The following EXOC6B variants were observed in gnomAD, a reference collection of about 807,000 sequenced individuals.
EXOC6B encodes the protein SEC15 homolog B.
EXOC6B carries 54 observed loss-of-function variants against 113.5 expected under a neutral mutation model. That is an observed-to-expected ratio of 0.48 (90% CI 0.38 to 0.60). The LOEUF (loss-of-function observed/expected upper bound fraction) is 0.60. Ranked by LOEUF, EXOC6B falls within the 20% of genes least tolerant of loss-of-function variation. The probability of loss-of-function intolerance (pLI) is 0.00; values close to 1 mark genes in which losing one functional copy is unlikely to be tolerated. For synonymous variants in EXOC6B, 357 were observed against 339.0 expected, an observed-to-expected ratio of 1.05 and a Z score of -0.58; for missense variants, 797 against 977.5, an observed-to-expected ratio of 0.82 and a Z score of 2.46.
chr2:72,638,718 G>A (rs920287582), intron 6 of EXOC6B, among the ~76,000 whole-genome samples: 3 of 152,204 alleles, frequency 2.0e-5, no homozygotes, highest in African/African-American at 7.2e-5. Flanking sequence ...TTAGAGAAGT[G>A]GTAGGGGCAG....
intron 16 of EXOC6B, among the ~76,000 whole-genome samples, chr2:72,484,285 G>A (rs576548753): frequency 2.6e-5 from 4 of 151,758 alleles, no homozygotes; most frequent in East Asian, 3.9e-4. Context: ...TCAGCTGGGC[G>A]CGGTGGCTCA....
At chr2:72,341,360 A>G (rs1689024939) in intron 19 of EXOC6B, among the ~76,000 whole-genome samples, 1 of 152,186 alleles carries the variant, frequency 6.6e-6, no homozygotes, top group South Asian at 2.1e-4. Flanking sequence ...TATCCAGAAC[A>G]TGTAATAAAT....
intron 1 of EXOC6B, among the ~76,000 whole-genome samples, chr2:72,757,879 G>A (rs1311665058): frequency 6.6e-6 from 1 of 151,918 alleles, no homozygotes; most frequent in Non-Finnish European, 1.5e-5. Flanking sequence ...CATACATATG[G>A]GCCAGGCACA....
chr2:72,740,514 A>C (rs1284470374), intron 2 of EXOC6B, among the ~76,000 whole-genome samples: 1 of 152,196 alleles, frequency 6.6e-6, no homozygotes, highest in African/African-American at 2.4e-5. Flanking sequence ...CAGGGACCAG[A>C]CAAATGTGCC....
intron 6 of EXOC6B, among the ~76,000 whole-genome samples, chr2:72,705,762 C>T (rs994173195): frequency 1.4e-5 from 2 of 143,712 alleles, no homozygotes; most frequent in Admixed American, 6.9e-5. Context: ...CTTAGGTGGC[C>T]ACAAGACCTA....
chr2:72,619,365 A>G (rs1671605813), intron 6 of EXOC6B, among the ~76,000 whole-genome samples: 1 of 152,160 alleles, frequency 6.6e-6, no homozygotes, highest in South Asian at 2.1e-4. Context: ...AAAAATAAAG[A>G]TTGTTCATGG....
At chr2:72,631,459 TATAGAGAGAGAGAGAGAGAGAGAGAGAG>T (rs1292490146) in intron 6 of EXOC6B, among the ~76,000 whole-genome samples, 54 of 6,926 alleles carry the variant, frequency 7.8e-3, no homozygotes, top group African/African-American at 0.014. Flanking sequence ...TATATATATA[TATAGAGAGAGAGAGAGAGAGAGAGAGAG>T]AGAGAGAGAG....
chr2:72,487,670 G>C (rs583673), intron 16 of EXOC6B, among the ~76,000 whole-genome samples: 1 of 152,114 alleles, frequency 6.6e-6, no homozygotes, highest in Non-Finnish European at 1.5e-5. Flanking sequence ...TACACTGACA[G>C]TTTTAAGGAG....
At chr2:72,449,668 A>G (rs904285265) in intron 18 of EXOC6B, among the ~76,000 whole-genome samples, 1 of 152,200 alleles carries the variant, frequency 6.6e-6, no homozygotes, top group Non-Finnish European at 1.5e-5. Context: ...AATTGTCTTC[A>G]CTATAAGTTT....
chr2:72,693,309 G>A (rs1467020987), intron 6 of EXOC6B, among the ~76,000 whole-genome samples: 5 of 151,240 alleles, frequency 3.3e-5, no homozygotes, highest in African/African-American at 4.9e-5. Context: ...TCTTTGAGAC[G>A]GAGTCTTTCT....
In EXOC6B at chr2:72,509,117, C is replaced by G. The variant is rs772771730; in HGVS notation, c.1167+4015G>C. Among the ~76,000 whole-genome samples the G allele has an allele frequency of 2.5e-3, 374 of 152,116 alleles. 4 individuals are homozygous for G. Among genetic ancestry groups the G allele is most frequent in the Non-Finnish European group, 2.8e-3 (193 of 68,004 alleles). On this transcript the variant is annotated intron_variant, in intron 11 of 21. Transcript: ENST00000272427. Reference sequence around the variant, plus strand: ...GGCCCTAATCCAGTGGGATTGTTCTCCTTATAAAAAGAGAAGGAGAGAGCA... The same window carrying G: ...GGCCCTAATCCAGTGGGATTGTTCTGCTTATAAAAAGAGAAGGAGAGAGCA...
At chr2:72,350,262 C>T (rs1423061548) in intron 19 of EXOC6B, among the ~76,000 whole-genome samples, 1 of 152,098 alleles carries the variant, frequency 6.6e-6, no homozygotes, top group African/African-American at 2.4e-5. Flanking sequence ...GCATATCTTT[C>T]CTAGAAGAAG....
chr2:72,258,952 T>C (rs1683531534), intron 20 of EXOC6B, among the ~76,000 whole-genome samples: 1 of 152,206 alleles, frequency 6.6e-6, no homozygotes, highest in Non-Finnish European at 1.5e-5. Context: ...CATATATATA[T>C]TCATCAACTA....
At chr2:72,598,151 A>G (rs1402869075) in intron 6 of EXOC6B, among the ~76,000 whole-genome samples, 1 of 151,988 alleles carries the variant, frequency 6.6e-6, no homozygotes, top group African/African-American at 2.4e-5. Context: ...TACATGGAAA[A>G]TTCACCAAGG....
At chr2:72,189,245 T>C (rs913221980) in intron 20 of EXOC6B, among the ~76,000 whole-genome samples, 10 of 152,226 alleles carry the variant, frequency 6.6e-5, no homozygotes, top group Non-Finnish European at 7.3e-5. Context: ...CTTTTTCTTA[T>C]ATGATATTGA....
At chr2:72,611,187 C>T (rs1671050216) in intron 6 of EXOC6B, among the ~76,000 whole-genome samples, 1 of 151,964 alleles carries the variant, frequency 6.6e-6, no homozygotes, top group Non-Finnish European at 1.5e-5. Flanking sequence ...AATAGCAAAA[C>T]CGCGTCTCTA....
intron 20 of EXOC6B, among the ~76,000 whole-genome samples, chr2:72,318,954 A>C (rs553268580): frequency 6.6e-6 from 1 of 151,774 alleles, no homozygotes; most frequent in Non-Finnish European, 1.5e-5. Flanking sequence ...CTTCTATAAA[A>C]CTGATGCATG....
intron 18 of EXOC6B, among the ~76,000 whole-genome samples, chr2:72,458,001 G>A (rs537959838): frequency 3.3e-5 from 5 of 152,144 alleles, no homozygotes; most frequent in South Asian, 2.1e-4. Flanking sequence ...GACGTATTCC[G>A]TTGGCTATGT....
chr2:72,625,278 AAT>A (rs778086323), intron 6 of EXOC6B, among the ~76,000 whole-genome samples: 4 of 150,688 alleles, frequency 2.7e-5, no homozygotes, highest in East Asian at 1.9e-4. Context: ...TATACCTAAA[AAT>A]ATATATATAT....
Sources: gnomAD v4.1 joint callset for allele counts (sites outside exome capture counted in the v4.1 genomes callset) on GRCh38, gnomAD v4.1.1 for gene constraint, MANE v1.5 for transcripts, NCBI Gene and HGNC (gene_info 2026-07-23, HGNC 2026-07-21) for gene names.